MCF2L2: variants seen among roughly 807,000 people sequenced by gnomAD.
The protein encoded by MCF2L2 is probable guanine nucleotide exchange factor MCF2L2.
In MCF2L2, 102 loss-of-function variants were observed where a neutral mutation model predicts 150.2. That is an observed-to-expected ratio of 0.68 (90% CI 0.58 to 0.80). The LOEUF is 0.80. MCF2L2 is among the 30% of genes least tolerant of loss of function. The pLI, the probability that MCF2L2 is intolerant of heterozygous loss-of-function variation, is 0.00. For synonymous variants in MCF2L2, 465 were observed against 491.3 expected (o/e 0.95, Z 0.71); for missense variants, 1,256 against 1,372.8 (o/e 0.91, Z 1.34).
At chr3:183,203,775 G>C (rs1722378458) in intron 25 of MCF2L2, among the ~76,000 whole-genome samples, 1 of 152,124 alleles carries the variant, frequency 6.6e-6, no homozygotes. Flanking sequence ...AAGAGATCAA[G>C]ATCCACACCT....
At chr3:183,274,462 T>C (rs904107443) in intron 15 of MCF2L2, among the ~76,000 whole-genome samples, 2 of 152,222 alleles carry the variant, frequency 1.3e-5, no homozygotes, top group African/African-American at 4.8e-5. Context: ...TATAGTTGCA[T>C]GTAATGTGCT....
rs1560327627 is a variant in MCF2L2 at position 183,180,079 on chromosome 3, C to T, written c.3097G>A (p.Ala1033Thr). 5 of 1,613,068 alleles carry T rather than the reference C, an allele frequency of 3.1e-6. No homozygotes were observed. Among genetic ancestry groups the T allele is most frequent in the Admixed American group, 1.7e-5 (1 of 60,000 alleles). The change falls in exon 28 of 30, where the codon GCT (alanine) becomes ACT (threonine). Residue 1033 changes from alanine (A) to threonine (T), a missense_variant. Coordinates refer to ENST00000328913, the MANE Select transcript of MCF2L2 (RefSeq NM_015078.4). ...AAAAGGGAAGTAATTACACTCAGAG[C>T]ACTGCTCTCCTTTTCCATGTCTTCT... ...GAEDMEKESS[A>T]LSLAGLFQSD...
At position 183,231,006 on chromosome 3, in the gene MCF2L2, C is replaced by T. The variant is rs759631846; in HGVS notation, c.1874G>A (p.Arg625His). Residue 625 changes from arginine (R) to histidine (H), a missense_variant, in exon 16 of 30, where the codon CGT becomes CAT. Physicochemically the swap from Arg to His is conservative, Grantham distance 29. Coordinates refer to ENST00000328913, the MANE Select transcript of MCF2L2 (RefSeq NM_015078.4). ...AATCTCTTCAGTCTCAAGCAAGTCA[C>T]GTATAATGCGCCTGAATCACAGCAG... Reference protein sequence around the residue: ...GDLSPRRRIIRDLLETEEIYI... With the variant: ...GDLSPRRRIIHDLLETEEIYI... 4.4e-5 allele frequency: 71 copies of T among 1,613,312 alleles called. No individual in the cohort carries two copies. The highest frequency in any genetic ancestry group is 1.6e-4 in the Middle Eastern group (1 of 6,084).
intron 15 of MCF2L2, among the ~76,000 whole-genome samples, chr3:183,238,983 C>T (rs1723875834): frequency 8.6e-6 from 1 of 116,830 alleles, no homozygotes; most frequent in African/African-American, 3.6e-5. Flanking sequence ...GGCAACAGAG[C>T]GATATCCGTC....
chr3:183,411,978 G>A (rs908001963), intron 1 of MCF2L2, among the ~76,000 whole-genome samples: 5 of 152,110 alleles, frequency 3.3e-5, no homozygotes, highest in African/African-American at 4.8e-5. Context: ...CGTGAATTAC[G>A]TTTTCTCTGT....
intron 15 of MCF2L2, chr3:183,269,932 CAT>C: frequency 3.1e-6 from 5 of 1,614,130 alleles, no homozygotes; most frequent in Non-Finnish European, 4.2e-6. Flanking sequence ...CATATGAAGT[CAT>C]ATTCTTACAG....
Position 183,270,896 on chromosome 3 carries a change from C to T in MCF2L2, c.1862+5976G>A. 6.2e-7 allele frequency: 1 copy of T among 1,605,240 alleles called. No homozygotes were observed. Among genetic ancestry groups the T allele is most frequent in the Non-Finnish European group, 8.5e-7 (1 of 1,176,610 alleles). On this transcript the variant is annotated intron_variant, in intron 15 of 29. Coordinates refer to ENST00000328913, the MANE Select transcript of MCF2L2 (RefSeq NM_015078.4). The surrounding 1 kb of genome is among the most constrained non-coding windows in gnomAD (Gnocchi z 4.5). ...AGATAATTCTCCTTTGTAAAATTAGCTATGTGGACACATACCCTTGTAGGG... is the reference window on the plus strand; with the variant it reads ...AGATAATTCTCCTTTGTAAAATTAGTTATGTGGACACATACCCTTGTAGGG...
chr3:183,390,002 GC>G (rs567350128), intron 1 of MCF2L2, among the ~76,000 whole-genome samples: 101 of 152,256 alleles, frequency 6.6e-4, no homozygotes, highest in African/African-American at 2.3e-3. Flanking sequence ...CATTTCTAGA[GC>G]CCCTACCAAG....
At chr3:183,216,117 T>G in intron 21 of MCF2L2, 23 bp from the exon 22 acceptor site, 1 of 1,610,712 alleles carries the variant, frequency 6.2e-7, no homozygotes, top group East Asian at 2.2e-5. Flanking sequence ...AATGCCTTGT[T>G]GGAAATCAAA....
intron 1 of MCF2L2, among the ~76,000 whole-genome samples, chr3:183,399,674 A>T (rs536617933): frequency 5.9e-5 from 9 of 152,344 alleles, no homozygotes; most frequent in African/African-American, 2.2e-4. Context: ...AGCCTTTCAG[A>T]CTTGACATTT....
chr3:183,321,940 T>A (rs992452859), intron 6 of MCF2L2, among the ~76,000 whole-genome samples: 2 of 152,236 alleles, frequency 1.3e-5, no homozygotes, highest in Admixed American at 1.3e-4. Flanking sequence ...AGATTTGGTG[T>A]CTGGTGGAGG....
intron 14 of MCF2L2, among the ~76,000 whole-genome samples, chr3:183,281,620 T>C (rs1727487217): frequency 6.6e-6 from 1 of 152,204 alleles, no homozygotes; most frequent in Non-Finnish European, 1.5e-5. Flanking sequence ...GCTTTCGGAC[T>C]GCCCATCATT....
In MCF2L2 at chr3:183,276,895, C is replaced by G; in HGVS notation, c.1839G>C (p.Arg613Ser). ...RGNPELEQQA[R>S]LGDLSPRRRI... ...ACCTGCGGGGGGAAAGGTCTCCGAG[C>G]CTGGCCTGCTGCTCCAGCTCAGGGT... The change falls in exon 15 of 30, where the codon AGG (arginine) becomes AGC (serine). Residue 613 changes from arginine (R) to serine (S), a missense_variant. Physicochemically the swap from Arg to Ser is moderately radical, Grantham distance 110. Coordinates refer to ENST00000328913, the MANE Select transcript of MCF2L2 (RefSeq NM_015078.4). 6.2e-7 allele frequency: 1 copy of G among 1,610,842 alleles called. No homozygotes were observed. Among genetic ancestry groups the G allele is most frequent in the Non-Finnish European group, 8.5e-7 (1 of 1,178,404 alleles).
chr3:183,248,699 G>A (rs996209106), intron 15 of MCF2L2, among the ~76,000 whole-genome samples: 6 of 152,102 alleles, frequency 3.9e-5, no homozygotes, highest in African/African-American at 9.6e-5. Flanking sequence ...TTATTTGGGC[G>A]TGATGGGGTG....
intron 1 of MCF2L2, among the ~76,000 whole-genome samples, chr3:183,416,082 T>G (rs1715573964): frequency 6.6e-6 from 1 of 152,286 alleles, no homozygotes; most frequent in East Asian, 1.9e-4. Context: ...TATCAAAATC[T>G]ACTTCAGATT....
intron 3 of MCF2L2, among the ~76,000 whole-genome samples, chr3:183,347,916 G>C (rs1023206266): frequency 6.6e-6 from 1 of 152,158 alleles, no homozygotes; most frequent in Non-Finnish European, 1.5e-5. Context: ...TGCTAGAGAG[G>C]ATGTGGAGAA....
At chr3:183,290,100 A>G (rs1256355172) in intron 13 of MCF2L2, among the ~76,000 whole-genome samples, 1 of 152,108 alleles carries the variant, frequency 6.6e-6, no homozygotes, top group African/African-American at 2.4e-5. Context: ...AAAACACTAA[A>G]CTCTTAACGC....
Position 183,344,139 on chromosome 3 carries a change from A to ACC in MCF2L2, c.276-2511_276-2510dup, listed in dbSNP as rs111584178. 7.3e-5 allele frequency among the ~76,000 whole-genome samples: 11 copies of ACC among 150,526 alleles called. No individual in the cohort carries two copies. The East Asian group carries it at 7.8e-4, about 11-fold the overall frequency. ...AAACCAAAACAAAAACAAAACCACC[A>ACC]CCCCCCCCAAAAAAAGTACTATTGA... On this transcript the variant is annotated intron_variant, in intron 3 of 29. Coordinates refer to ENST00000328913, the MANE Select transcript of MCF2L2 (RefSeq NM_015078.4).
intron 15 of MCF2L2, among the ~76,000 whole-genome samples, chr3:183,276,005 A>G (rs1727137861): frequency 6.6e-6 from 1 of 152,242 alleles, no homozygotes; most frequent in Non-Finnish European, 1.5e-5. Context: ...GAGTTTTAGT[A>G]AAAGTCTCAA....
Sources: gnomAD v4.1 joint callset for allele counts (sites outside exome capture counted in the v4.1 genomes callset) on GRCh38, gnomAD v4.1.1 for gene constraint, Gnocchi (gnomAD v3.1) non-coding constraint, MANE v1.5 for transcripts, NCBI Gene and HGNC (gene_info 2026-07-23, HGNC 2026-07-21) for gene names.